Variants in DCDC1 observed in about 807,000 individuals in gnomAD.
DCDC1 encodes the protein doublecortin domain containing 1.
In DCDC1, 200 loss-of-function variants were observed where a neutral mutation model predicts 178.3. The ratio of observed to expected loss-of-function variants is 1.12; its 90% confidence interval spans 1.00 to 1.26. The LOEUF (loss-of-function observed/expected upper bound fraction) is 1.26, where lower values mean the gene tolerates loss of function less well. Ranked by LOEUF, DCDC1 falls within the 50% of genes most tolerant of loss-of-function variation. The probability of loss-of-function intolerance (pLI) is 0.00; values close to 1 mark genes in which losing one functional copy is unlikely to be tolerated. For missense variants in DCDC1, 1,983 were observed against 1,749.2 expected, an observed-to-expected ratio of 1.13 and a Z score of -2.38; for synonymous variants, 690 against 604.8, an observed-to-expected ratio of 1.14 and a Z score of -2.07.
At chr11:31,228,039 G>C (rs554668477) in intron 9 of DCDC1, among the ~76,000 whole-genome samples, 2 of 152,064 alleles carry the variant, frequency 1.3e-5, no homozygotes, top group South Asian at 2.1e-4. Context: ...AGGAGGAATA[G>C]ACAAATCCAA....
intron 8 of DCDC1, among the ~76,000 whole-genome samples, chr11:31,248,011 T>C (rs1217415079): frequency 6.6e-6 from 1 of 152,096 alleles, no homozygotes; most frequent in African/African-American, 2.4e-5. Context: ...CCATGGCCTA[T>C]ACCAATACAT....
intron 9 of DCDC1, among the ~76,000 whole-genome samples, chr11:31,146,364 G>C (rs1421041208): frequency 6.6e-6 from 1 of 152,148 alleles, no homozygotes; most frequent in African/African-American, 2.4e-5. Context: ...GGGAATATAG[G>C]TGTGAGCCAC....
chr11:31,305,941 C>T, intron 5 of DCDC1, 164 bp from the exon 6 acceptor site: 1 of 833,190 alleles, frequency 1.2e-6, no homozygotes, highest in Non-Finnish European at 1.8e-6. Flanking sequence ...AGGTAAGTCA[C>T]AGCATGAAGC....
intron 20 of DCDC1, among the ~76,000 whole-genome samples, chr11:31,049,198 T>C (rs1955076589): frequency 6.6e-6 from 1 of 152,174 alleles, no homozygotes; most frequent in Non-Finnish European, 1.5e-5. Flanking sequence ...TTGATCAGGT[T>C]AGTTATATAA....
In DCDC1 at chr11:30,905,153, C is replaced by A. The variant is rs367819107; in HGVS notation, c.4116G>T (p.Ser1372=). The A allele has an allele frequency of 5.0e-6, 8 of 1,594,340 alleles. No individual in the cohort carries two copies. The East Asian group carries it at 6.8e-5, about 14-fold the overall frequency. Reference sequence around the variant, plus strand: ...TTAGAGTTTTTTCAGCCTTGTCACACGACAAATCAACCTAATTTTTTAAAA... The same window carrying A: ...TTAGAGTTTTTTCAGCCTTGTCACAAGACAAATCAACCTAATTTTTTAAAA... ...KVISVAEVDL[S]CDKAEKTLSY... Residue 1372 remains serine, a synonymous_variant, in exon 31 of 39, where the codon TCG becomes TCT. Coordinates refer to ENST00000684477, the MANE Select transcript of DCDC1 (RefSeq NM_001387274.1).
intron 9 of DCDC1, among the ~76,000 whole-genome samples, chr11:31,192,154 T>C (rs994675039): frequency 1.5e-4 from 23 of 152,188 alleles, no homozygotes; most frequent in African/African-American, 5.1e-4. Flanking sequence ...ACTCTCACCG[T>C]TAGGACCTCA....
intron 8 of DCDC1, among the ~76,000 whole-genome samples, chr11:31,263,890 C>A (rs1944965319): frequency 6.6e-6 from 1 of 152,128 alleles, no homozygotes; most frequent in African/African-American, 2.4e-5. Context: ...GTTATAGGAC[C>A]ATTTCAATAA....
chr11:31,191,082 G>A (rs1970081001), intron 9 of DCDC1, among the ~76,000 whole-genome samples: 1 of 152,074 alleles, frequency 6.6e-6, no homozygotes, highest in Non-Finnish European at 1.5e-5. Flanking sequence ...TAAATGCTAT[G>A]TAAATAGTTG....
At chr11:31,360,993 G>A (rs1399612864) in intron 1 of DCDC1, among the ~76,000 whole-genome samples, 2 of 152,164 alleles carry the variant, frequency 1.3e-5, no homozygotes, top group Non-Finnish European at 2.9e-5. Context: ...GCTACTAAAT[G>A]CTGGAGACTG....
intron 9 of DCDC1, among the ~76,000 whole-genome samples, chr11:31,184,226 G>A (rs1969196293): frequency 6.6e-6 from 1 of 152,170 alleles, no homozygotes; most frequent in Admixed American, 6.5e-5. Flanking sequence ...GGGAAAACTG[G>A]CTAGCCATAT....
chr11:31,083,264 T>A (rs1387113490), intron 17 of DCDC1, among the ~76,000 whole-genome samples: 2 of 152,238 alleles, frequency 1.3e-5, no homozygotes, highest in African/African-American at 2.4e-5. Context: ...CAGGGTTCCA[T>A]GTAAGTCTGA....
chr11:31,363,139 G>C (rs1435717989), intron 1 of DCDC1, among the ~76,000 whole-genome samples: 1 of 149,874 alleles, frequency 6.7e-6, no homozygotes, highest in Non-Finnish European at 1.5e-5. Flanking sequence ...ATATTAAACT[G>C]TGTGTAATTA....
intron 9 of DCDC1, among the ~76,000 whole-genome samples, chr11:31,167,101 G>A (rs983970445): frequency 6.6e-6 from 1 of 152,100 alleles, no homozygotes; most frequent in Admixed American, 6.6e-5. Flanking sequence ...ATGAATGTAG[G>A]TGGAACTATT....
At chr11:31,367,272 C>T (rs1158122905) in intron 1 of DCDC1, among the ~76,000 whole-genome samples, 3 of 152,242 alleles carry the variant, frequency 2.0e-5, no homozygotes, top group African/African-American at 7.2e-5. Flanking sequence ...GCACTCCAGA[C>T]TGGACACCAG....
At chr11:31,296,236 G>T (rs919537643) in intron 6 of DCDC1, among the ~76,000 whole-genome samples, 1 of 152,148 alleles carries the variant, frequency 6.6e-6, no homozygotes, top group African/African-American at 2.4e-5. Context: ...ATGTCTAACA[G>T]AAGAGTTTAC....
chr11:31,345,713 A>G (rs1363463904), intron 1 of DCDC1, among the ~76,000 whole-genome samples: 1 of 152,230 alleles, frequency 6.6e-6, no homozygotes. Context: ...CCACCAATTT[A>G]GTATACTGGA....
intron 11 of DCDC1, among the ~76,000 whole-genome samples, chr11:31,118,380 AAC>A (rs934269332): frequency 6.6e-6 from 1 of 152,134 alleles, no homozygotes; most frequent in African/African-American, 2.4e-5. Context: ...TTCATCATAA[AAC>A]ACAATCAAAA....
At chr11:31,110,875 A>T (rs776422990) in intron 11 of DCDC1, among the ~76,000 whole-genome samples, 2 of 152,222 alleles carry the variant, frequency 1.3e-5, no homozygotes, top group African/African-American at 2.4e-5. Flanking sequence ...GATTTATTGC[A>T]TAACAGTGTG....
chr11:31,189,960 TGATATAATCAGA>T (rs781075221), intron 9 of DCDC1, among the ~76,000 whole-genome samples: 14 of 152,224 alleles, frequency 9.2e-5, no homozygotes, highest in Non-Finnish European at 2.1e-4. Context: ...CAAAGTTGAC[TGATATAATCAGA>T]GATATTGAAG....
Sources: gnomAD v4.1 joint callset for allele counts (sites outside exome capture counted in the v4.1 genomes callset) on GRCh38, gnomAD v4.1.1 for gene constraint, MANE v1.5 for transcripts, NCBI Gene and HGNC (gene_info 2026-07-23, HGNC 2026-07-21) for gene names.